The following CGNL1 variants were observed in gnomAD, a reference collection of about 807,000 sequenced individuals.
CGNL1 encodes the protein cingulin like 1, also known as cingulin-like protein 1.
CGNL1 carries 132 observed loss-of-function variants against 141.2 expected under a neutral mutation model. The observed-to-expected ratio is 0.93, with a 90% confidence interval of 0.81 to 1.08. The LOEUF (loss-of-function observed/expected upper bound fraction) is 1.08. CGNL1 is among the 50% of genes least tolerant of loss of function. The pLI is 0.00. For missense variants in CGNL1, 1,870 were observed against 1,588.6 expected (o/e 1.18, Z -3.01); for synonymous variants, 690 against 622.1 (o/e 1.11, Z -1.63).
intron 1 of CGNL1, among the ~76,000 whole-genome samples, chr15:57,410,589 G>A (rs1363638775): frequency 6.6e-6 from 1 of 152,200 alleles, no homozygotes; most frequent in Non-Finnish European, 1.5e-5. Context: ...GTCCCAACAT[G>A]TGTACGTGTG....
chr15:57,501,129 G>T (rs2064018368), intron 8 of CGNL1, among the ~76,000 whole-genome samples: 1 of 152,194 alleles, frequency 6.6e-6, no homozygotes, highest in Non-Finnish European at 1.5e-5. Flanking sequence ...CTATGTACCA[G>T]GTGCTGGGCT....
chr15:57,468,228 C>A, intron 8 of CGNL1, among the ~76,000 whole-genome samples: 1 of 64,856 alleles, frequency 1.5e-5, no homozygotes, highest in Admixed American at 2.3e-4. Flanking sequence ...CTTTTCTTTT[C>A]TTTTTCTTTT....
intron 8 of CGNL1, among the ~76,000 whole-genome samples, chr15:57,473,544 G>A (rs542063052): frequency 4.6e-5 from 7 of 152,140 alleles, no homozygotes; most frequent in South Asian, 2.1e-4. Flanking sequence ...TGTCGAAAAG[G>A]TCTGATTTGT....
chr15:57,523,425 C>T, intron 10 of CGNL1, 64 bp from the exon 11 acceptor site: 1 of 1,520,996 alleles, frequency 6.6e-7, no homozygotes, highest in Non-Finnish European at 9.1e-7. Context: ...GTTCCCTGTG[C>T]CACCCGTTCC....
At chr15:57,406,028 C>A in intron 1 of CGNL1, 1 of 152,346 alleles carries the variant, frequency 6.6e-6, no homozygotes, top group Non-Finnish European at 1.5e-5. Flanking sequence ...CAGCAGGAAG[C>A]AAAGCAGAGG....
intron 1 of CGNL1, among the ~76,000 whole-genome samples, chr15:57,381,740 G>A (rs554029674): frequency 1.3e-4 from 19 of 151,966 alleles, no homozygotes; most frequent in Non-Finnish European, 2.5e-4. Context: ...GGTCTGAACT[G>A]ATTTACTATT....
At chr15:57,484,527 A>T (rs2063763833) in intron 8 of CGNL1, among the ~76,000 whole-genome samples, 1 of 151,750 alleles carries the variant, frequency 6.6e-6, no homozygotes, top group South Asian at 2.1e-4. Flanking sequence ...TTTTGTTAAC[A>T]TTTGATTAGT....
At chr15:57,538,017 C>CA (rs2032358382) in intron 14 of CGNL1, among the ~76,000 whole-genome samples, 1 of 152,192 alleles carries the variant, frequency 6.6e-6, no homozygotes, top group Non-Finnish European at 1.5e-5. Context: ...CCCGCCACCC[C>CA]CCGCCCCAGG....
At chr15:57,542,426 C>T (rs556462149) in intron 14 of CGNL1, among the ~76,000 whole-genome samples, 4 of 152,266 alleles carry the variant, frequency 2.6e-5, no homozygotes, top group Non-Finnish European at 4.4e-5. Context: ...CTGGAGCCTC[C>T]GCCTCATAAC....
At chr15:57,383,591 T>G in intron 1 of CGNL1, among the ~76,000 whole-genome samples, 1 of 143,908 alleles carries the variant, frequency 6.9e-6, no homozygotes, top group African/African-American at 2.6e-5. Flanking sequence ...AGCCACCACA[T>G]CTGCCTTTTC....
chr15:57,423,767 C>G (rs769389955), intron 1 of CGNL1, among the ~76,000 whole-genome samples: 8 of 152,144 alleles, frequency 5.3e-5, no homozygotes, highest in Admixed American at 1.3e-4. Context: ...CTCCTCTTTT[C>G]CCTGTCTTCT....
chr15:57,379,962 A>G (rs75266727), intron 1 of CGNL1, among the ~76,000 whole-genome samples: 12,685 of 152,096 alleles, frequency 0.083, 708 homozygotes, highest in Admixed American at 0.15. Flanking sequence ...TTCTCTCCTC[A>G]TGCACCCTCC....
At chr15:57,517,089 T>C in intron 9 of CGNL1, 103 bp downstream of exon 9, 1 of 1,138,616 alleles carries the variant, frequency 8.8e-7, no homozygotes, top group South Asian at 1.4e-5. Context: ...CATGATGTAG[T>C]AGGAAAGGTC....
Position 57,524,885 on chromosome 15 carries a change from TGGATG to T in CGNL1, c.3039+137_3039+141del, listed in dbSNP as rs574934558. The stretch of plus-strand genomic sequence containing the variant: ...GCTTGACTCTTCATTCTTCACCTTC[TGGATG>T]GGTTCCGTGGGCAAATGGCATTCTG... On this transcript the variant is annotated intron_variant, in intron 12 of 18. Coordinates refer to ENST00000281282, the MANE Select transcript of CGNL1 (RefSeq NM_032866.5). 2.0e-4 allele frequency: 183 copies of T among 900,568 alleles called. No homozygotes were observed. In the African/African-American group the frequency reaches 2.2e-3, roughly 11 times the overall value. 55.8% of individuals were successfully genotyped at this position (900,568 alleles called of 1,614,324 possible). A position where few individuals can be genotyped will look rare whatever the true frequency, so the allele number is the denominator to read the frequency against.
chr15:57,538,061 G>T (rs1324620139), intron 14 of CGNL1, among the ~76,000 whole-genome samples: 2 of 152,250 alleles, frequency 1.3e-5, no homozygotes, highest in African/African-American at 4.8e-5. Context: ...GTAAGAATTT[G>T]ATTTACGATA....
At chr15:57,519,527 G>A (rs1291124375) in intron 10 of CGNL1, among the ~76,000 whole-genome samples, 3 of 152,152 alleles carry the variant, frequency 2.0e-5, no homozygotes, top group Non-Finnish European at 4.4e-5. Context: ...CTACTCTTGG[G>A]ACAAAACTCG....
At chr15:57,508,766 G>T (rs1387572448) in intron 8 of CGNL1, among the ~76,000 whole-genome samples, 1 of 152,228 alleles carries the variant, frequency 6.6e-6, no homozygotes, top group Non-Finnish European at 1.5e-5. Flanking sequence ...ACTCGAAGGG[G>T]TATCCACAGA....
chr15:57,455,163 C>T (rs1386211486), intron 7 of CGNL1, among the ~76,000 whole-genome samples: 1 of 152,148 alleles, frequency 6.6e-6, no homozygotes, highest in Non-Finnish European at 1.5e-5. Flanking sequence ...TAACCATTCT[C>T]CTACATTTTT....
intron 14 of CGNL1, among the ~76,000 whole-genome samples, chr15:57,533,535 G>A (rs904266981): frequency 3.3e-5 from 5 of 152,194 alleles, no homozygotes; most frequent in Non-Finnish European, 4.4e-5. Flanking sequence ...GCTTCTTGTG[G>A]CTTATGCTAA....
Sources: allele counts gnomAD v4.1 joint callset (sites outside exome capture counted in the v4.1 genomes callset), GRCh38; gene constraint gnomAD v4.1.1; transcripts MANE v1.5; gene names NCBI Gene and HGNC (gene_info 2026-07-23, HGNC 2026-07-21).